Variants in PPP1R12B observed in about 807,000 individuals in gnomAD.
The protein encoded by PPP1R12B is protein phosphatase 1 regulatory subunit 12B.
PPP1R12B carries 76 observed loss-of-function variants against 126.1 expected under a neutral mutation model. The observed-to-expected ratio is 0.60, with a 90% CI of 0.50 to 0.73. The LOEUF is 0.73. PPP1R12B is among the 30% of genes least tolerant of loss of function. The pLI, the probability that PPP1R12B is intolerant of heterozygous loss-of-function variation, is 0.00. For synonymous variants in PPP1R12B, 356 were observed against 434.7 expected (o/e 0.82, Z 2.25); for missense variants, 1,052 against 1,205.1 (o/e 0.87, Z 1.88).
chr1:202,452,488 G>A (rs552888643), intron 13 of PPP1R12B, among the ~76,000 whole-genome samples: 90 of 152,252 alleles, frequency 5.9e-4, no homozygotes, highest in African/African-American at 2.0e-3. Context: ...GCAGTGAGCC[G>A]AGATGGCAGC....
intron 13 of PPP1R12B, among the ~76,000 whole-genome samples, chr1:202,484,056 C>A (rs898120720): frequency 6.6e-6 from 1 of 152,138 alleles, no homozygotes; most frequent in African/African-American, 2.4e-5. Context: ...TGTTTTTAAT[C>A]CGTTCAGCCA....
At chr1:202,438,472 G>T in intron 10 of PPP1R12B, 1 of 417,684 alleles carries the variant, frequency 2.4e-6, no homozygotes, top group Non-Finnish European at 4.6e-6. Flanking sequence ...GGACTTCAAG[G>T]TGCTGGATGG....
intron 18 of PPP1R12B, among the ~76,000 whole-genome samples, chr1:202,533,245 A>G (rs1684159874): frequency 3.9e-5 from 6 of 151,924 alleles, no homozygotes; most frequent in Non-Finnish European, 2.9e-5. Context: ...GTGTATCTCT[A>G]GTTAGACTTT....
chr1:202,385,940 T>A, intron 1 of PPP1R12B, among the ~76,000 whole-genome samples: 1 of 141,512 alleles, frequency 7.1e-6, no homozygotes, highest in Admixed American at 7.0e-5. Flanking sequence ...TTCTTTTTTC[T>A]TTTTTTTTTT....
At chr1:202,400,241 A>G (rs1665631533) in intron 1 of PPP1R12B, among the ~76,000 whole-genome samples, 1 of 152,188 alleles carries the variant, frequency 6.6e-6, no homozygotes, top group Non-Finnish European at 1.5e-5. Context: ...CTCGTTATTA[A>G]TGTATTAGCT....
intron 18 of PPP1R12B, among the ~76,000 whole-genome samples, chr1:202,549,379 G>A (rs192948998): frequency 1.1e-3 from 172 of 149,846 alleles, no homozygotes; most frequent in Non-Finnish European, 7.7e-4. Flanking sequence ...TTTACTGTAT[G>A]TACTAGATGG....
intron 18 of PPP1R12B, among the ~76,000 whole-genome samples, chr1:202,540,653 C>T (rs1042397715): frequency 6.6e-6 from 1 of 152,210 alleles, no homozygotes; most frequent in African/African-American, 2.4e-5. Flanking sequence ...GAAATGGCCA[C>T]ACAACTATAT....
At position 202,587,257 on chromosome 1, in the gene PPP1R12B, C is replaced by G. The variant is rs900643321; in HGVS notation, c.*6697C>G. 4 of 152,150 alleles carry G rather than the reference C, an allele frequency of 2.6e-5. No homozygotes were observed. The highest frequency in any genetic ancestry group is 9.7e-5 in the African/African-American group (4 of 41,428). 9.4% of individuals were successfully genotyped at this position (152,150 alleles called of 1,614,324 possible). On this transcript the variant is annotated 3_prime_UTR_variant, in exon 24 of 24. Coordinates refer to ENST00000608999, the MANE Select transcript of PPP1R12B (RefSeq NM_002481.4). ...TCATCTCCCTCTGCATTCTTAATTC[C>G]TTGCTTTTCTCACTTGGAGCCGAGG...
rs1231382569 is a variant in PPP1R12B at position 202,422,698 on chromosome 1, A to G, written c.501A>G (p.Pro167=). ...TTCCCTCTGACCTTGCAGAAGAGCC[A>G]GCCATGAAGGATCTTCTTCTGGAGC... ...GEVPSDLAEE[P]AMKDLLLEQV... is the part of the protein sequence containing the mutation. Residue 167 remains proline, a synonymous_variant, in exon 3 of 24, where the codon CCA becomes CCG. Transcript: ENST00000608999. 3 of 1,613,772 alleles carry G rather than the reference A, an allele frequency of 1.9e-6. No individual in the cohort carries two copies. The highest frequency in any genetic ancestry group is 2.2e-5 in the East Asian group (1 of 44,884).
intron 18 of PPP1R12B, among the ~76,000 whole-genome samples, chr1:202,538,401 T>G (rs1684771884): frequency 6.6e-6 from 1 of 152,220 alleles, no homozygotes; most frequent in Non-Finnish European, 1.5e-5. Context: ...GGGTTCTGAT[T>G]CATTCTCAAT....
intron 1 of PPP1R12B, among the ~76,000 whole-genome samples, chr1:202,360,925 C>T (rs1443842081): frequency 7.1e-6 from 1 of 140,950 alleles, no homozygotes; most frequent in African/African-American, 2.6e-5. Flanking sequence ...GAGTCTTGCT[C>T]TGTCACCCAG....
In PPP1R12B at chr1:202,582,920, C is replaced by T. The variant is rs1338777359; in HGVS notation, c.*2360C>T. On this transcript the variant is annotated 3_prime_UTR_variant, in exon 24 of 24. Coordinates refer to ENST00000608999, the MANE Select transcript of PPP1R12B (RefSeq NM_002481.4). ...ATAATAATAAATAAATAAAAAATCC[C>T]AATTACAGAACAGGAGATATGTTTC... The T allele has an allele frequency of 6.6e-6, 1 of 152,002 alleles. No individual in the cohort carries two copies. Among genetic ancestry groups the T allele is most frequent in the African/African-American group, 2.4e-5 (1 of 41,382 alleles). The allele number at this position is 152,002 out of a possible 1,614,324, so 9.4% of individuals were successfully genotyped here. A position where few individuals can be genotyped will look rare whatever the true frequency, so the allele number is the denominator to read the frequency against.
At chr1:202,458,171 G>A (rs1572120685) in intron 13 of PPP1R12B, among the ~76,000 whole-genome samples, 1 of 149,766 alleles carries the variant, frequency 6.7e-6, no homozygotes, top group East Asian at 2.0e-4. Context: ...AGAAACTTTG[G>A]AAATTGTCAA....
chr1:202,348,783 A>C lies in PPP1R12B; in HGVS notation c.-69A>C. On this transcript the variant is annotated 5_prime_UTR_variant, in exon 1 of 24. Coordinates refer to ENST00000608999, the MANE Select transcript of PPP1R12B (RefSeq NM_002481.4). Reference sequence around the variant, plus strand: ...GCTGAAGCGCTCTGAGAGAGGCGGCAGCGGCAACTCGAGCCCCAACAGTAA... The same window carrying C: ...GCTGAAGCGCTCTGAGAGAGGCGGCCGCGGCAACTCGAGCCCCAACAGTAA... The C allele has an allele frequency of 1.3e-6, 2 of 1,513,082 alleles. No individual in the cohort carries two copies. Among genetic ancestry groups the C allele is most frequent in the Non-Finnish European group, 8.8e-7 (1 of 1,134,506 alleles). 93.7% of individuals were successfully genotyped at this position (1,513,082 alleles called of 1,614,324 possible). A position where few individuals can be genotyped will look rare whatever the true frequency, so the allele number is the denominator to read the frequency against.
intron 18 of PPP1R12B, among the ~76,000 whole-genome samples, chr1:202,505,345 C>G (rs953641401): frequency 7.9e-5 from 12 of 152,208 alleles, no homozygotes; most frequent in Non-Finnish European, 1.8e-4. Flanking sequence ...GTCCTAGTTT[C>G]AGAGATCTTT....
intron 13 of PPP1R12B, among the ~76,000 whole-genome samples, chr1:202,453,809 C>CT (rs1264025390): frequency 1.4e-5 from 2 of 142,918 alleles, no homozygotes; most frequent in Non-Finnish European, 3.1e-5. Context: ...TTTCTTTTTT[C>CT]TTTTTTTCAT....
intron 18 of PPP1R12B, among the ~76,000 whole-genome samples, chr1:202,517,480 AC>A (rs1682288243): frequency 1.3e-5 from 2 of 152,184 alleles, no homozygotes; most frequent in Admixed American, 1.3e-4. Context: ...TTTTATTGTT[AC>A]TGCAACCCAC....
intron 13 of PPP1R12B, among the ~76,000 whole-genome samples, chr1:202,475,536 A>T (rs1209359460): frequency 2.0e-5 from 3 of 152,190 alleles, no homozygotes; most frequent in South Asian, 4.1e-4. Context: ...CATGGTACTG[A>T]GTGGAGGAAA....
chr1:202,568,361 C>A (rs1688257421), intron 22 of PPP1R12B, among the ~76,000 whole-genome samples: 1 of 152,160 alleles, frequency 6.6e-6, no homozygotes, highest in South Asian at 2.1e-4. Context: ...CTCCTCCCAA[C>A]TGTACTCAGA....
Sources: allele counts gnomAD v4.1 joint callset (sites outside exome capture counted in the v4.1 genomes callset), GRCh38; gene constraint gnomAD v4.1.1; transcripts MANE v1.5; gene names NCBI Gene and HGNC (gene_info 2026-07-23, HGNC 2026-07-21).